Variants in SNTB2 observed in about 807,000 individuals in gnomAD.
SNTB2 encodes the protein beta-2-syntrophin.
SNTB2 carries 34 observed loss-of-function variants against 46.2 expected under a neutral mutation model. The observed-to-expected ratio is 0.74, with a 90% CI of 0.56 to 0.98. The LOEUF is 0.98. SNTB2 is among the 50% of genes least tolerant of loss of function. The pLI, the probability that SNTB2 is intolerant of heterozygous loss-of-function variation, is 0.00. For synonymous variants in SNTB2, 290 were observed against 312.6 expected (o/e 0.93, Z 0.76); for missense variants, 603 against 731.4 (o/e 0.82, Z 2.02).
chr16:69,273,277 G>A (rs78321631), intron 4 of SNTB2, among the ~76,000 whole-genome samples: 3,501 of 152,198 alleles, frequency 0.023, 135 homozygotes, highest in African/African-American at 0.08. Context: ...CAAAACATAC[G>A]TGACTGTTCA....
At chr16:69,224,472 A>C (rs1027958664) in intron 1 of SNTB2, among the ~76,000 whole-genome samples, 3 of 152,134 alleles carry the variant, frequency 2.0e-5, no homozygotes, top group Admixed American at 2.0e-4. Flanking sequence ...TGGCCTCCCA[A>C]AGTACTGGGA....
chr16:69,250,778 A>G (rs1964717634), intron 2 of SNTB2, among the ~76,000 whole-genome samples: 1 of 151,852 alleles, frequency 6.6e-6, no homozygotes, highest in African/African-American at 2.4e-5. Flanking sequence ...CAAGAGGCTG[A>G]GGCATGGGAA....
At chr16:69,223,089 T>A (rs1484997723) in intron 1 of SNTB2, among the ~76,000 whole-genome samples, 1 of 152,162 alleles carries the variant, frequency 6.6e-6, no homozygotes, top group Non-Finnish European at 1.5e-5. Flanking sequence ...TTCTTATTAC[T>A]TACAATTCTT....
chr16:69,208,932 A>G (rs1453702865), intron 1 of SNTB2, among the ~76,000 whole-genome samples: 2 of 151,760 alleles, frequency 1.3e-5, no homozygotes, highest in African/African-American at 4.9e-5. Flanking sequence ...TGTTTGTTGT[A>G]TGAACAAAGA....
At chr16:69,259,752 G>A (rs1445610094) in intron 2 of SNTB2, among the ~76,000 whole-genome samples, 2 of 151,602 alleles carry the variant, frequency 1.3e-5, no homozygotes, top group Non-Finnish European at 2.9e-5. Context: ...TGGGATTACA[G>A]GCACCCACCA....
chr16:69,307,393 C>T lies in SNTB2; in HGVS notation c.*6469C>T, dbSNP rs959714316. The T allele has an allele frequency of 1.3e-5, 2 of 151,806 alleles. No individual in the cohort carries two copies. Among genetic ancestry groups the T allele is most frequent in the Non-Finnish European group, 2.9e-5 (2 of 67,942 alleles). 9.4% of individuals were successfully genotyped at this position (151,806 alleles called of 1,614,324 possible). On this transcript the variant is annotated 3_prime_UTR_variant, in exon 7 of 7. Coordinates refer to ENST00000336278, the MANE Select transcript of SNTB2 (RefSeq NM_006750.4). ...ATCATGCATGATTTTTTTTTTAGTG[C>T]AAATTTAGACTTTAGTTTGGGAAAG...
At chr16:69,248,289 T>G (rs1964690359) in intron 2 of SNTB2, among the ~76,000 whole-genome samples, 4 of 152,234 alleles carry the variant, frequency 2.6e-5, no homozygotes, top group Admixed American at 2.6e-4. Context: ...ATCATCTAAG[T>G]GCAACACAGC....
chr16:69,217,371 G>A lies in SNTB2; in HGVS notation c.581-28231G>A, dbSNP rs183991899. Among the ~76,000 whole-genome samples the A allele has an allele frequency of 4.7e-4, 72 of 152,248 alleles. 2 individuals are homozygous for A. The highest frequency in any genetic ancestry group is 4.7e-3 in the Admixed American group (72 of 15,274). ...CACCTGTAATCCCAGGTACTTGGGAGGCTGAGGTGGAAGGATTGCTTGAAC... is the reference window on the plus strand; with the variant it reads ...CACCTGTAATCCCAGGTACTTGGGAAGCTGAGGTGGAAGGATTGCTTGAAC... On this transcript the variant is annotated intron_variant, in intron 1 of 6. Coordinates refer to ENST00000336278, the MANE Select transcript of SNTB2 (RefSeq NM_006750.4).
intron 1 of SNTB2, among the ~76,000 whole-genome samples, chr16:69,217,319 C>G (rs992983554): frequency 6.6e-6 from 1 of 151,896 alleles, no homozygotes; most frequent in Non-Finnish European, 1.5e-5. Context: ...ACAAAAAATA[C>G]AAAAATTAGC....
intron 1 of SNTB2, among the ~76,000 whole-genome samples, chr16:69,218,020 G>C (rs1257758584): frequency 1.3e-5 from 2 of 152,064 alleles, no homozygotes; most frequent in East Asian, 3.9e-4. Context: ...AATACACTTG[G>C]AGTTAATAGT....
intron 1 of SNTB2, chr16:69,191,305 T>C (rs1411133813): frequency 1.4e-5 from 2 of 144,892 alleles, no homozygotes; most frequent in Non-Finnish European, 3.0e-5. Context: ...TCCAGCACTT[T>C]GGGAGACCAA....
intron 5 of SNTB2, among the ~76,000 whole-genome samples, chr16:69,292,440 T>C (rs1274354666): frequency 1.3e-5 from 1 of 76,806 alleles, no homozygotes; most frequent in Non-Finnish European, 2.3e-5. Context: ...ATATATTATA[T>C]ATATATAATT....
intron 1 of SNTB2, among the ~76,000 whole-genome samples, chr16:69,232,903 A>G (rs951839916): frequency 1.3e-5 from 2 of 152,116 alleles, no homozygotes; most frequent in Non-Finnish European, 2.9e-5. Flanking sequence ...TTATTTCACT[A>G]TAGCTCAGAG....
At chr16:69,191,821 TTAG>T (rs1261419520) in intron 1 of SNTB2, among the ~76,000 whole-genome samples, 3 of 152,088 alleles carry the variant, frequency 2.0e-5, no homozygotes, top group African/African-American at 7.2e-5. Flanking sequence ...TTTGTATTTT[TTAG>T]TAGAGATGGG....
intron 1 of SNTB2, chr16:69,230,585 A>C (rs1337008084): frequency 6.7e-6 from 1 of 150,202 alleles, no homozygotes; most frequent in African/African-American, 2.5e-5. Context: ...CTGGTCTCCA[A>C]CTCCTGACCT....
intron 3 of SNTB2, among the ~76,000 whole-genome samples, chr16:69,261,247 A>G (rs1309079504): frequency 6.9e-6 from 1 of 145,656 alleles, no homozygotes; most frequent in Non-Finnish European, 1.5e-5. Context: ...TTCATTTTTG[A>G]TTTTTTTTTT....
Position 69,301,978 on chromosome 16 carries a change from G to C in SNTB2, c.*1054G>C, listed in dbSNP as rs1184776031. Reference sequence around the variant, plus strand: ...CCAGCCTGCTTGAGGAGTAGACTTGGTGGGTGAAGCCAGCAATTCCGCACA... The same window carrying C: ...CCAGCCTGCTTGAGGAGTAGACTTGCTGGGTGAAGCCAGCAATTCCGCACA... On this transcript the variant is annotated 3_prime_UTR_variant, in exon 7 of 7. Coordinates refer to ENST00000336278, the MANE Select transcript of SNTB2 (RefSeq NM_006750.4). 1 of 152,162 alleles carries C rather than the reference G, an allele frequency of 6.6e-6. No homozygotes were observed. Among genetic ancestry groups the C allele is most frequent in the African/African-American group, 2.4e-5 (1 of 41,436 alleles). 9.4% of individuals were successfully genotyped at this position (152,162 alleles called of 1,614,324 possible). A position where few individuals can be genotyped will look rare whatever the true frequency, so the allele number is the denominator to read the frequency against.
At chr16:69,201,427 A>G (rs1452139309) in intron 1 of SNTB2, among the ~76,000 whole-genome samples, 1 of 152,214 alleles carries the variant, frequency 6.6e-6, no homozygotes, top group Non-Finnish European at 1.5e-5. Flanking sequence ...CTGAATAGGA[A>G]AAAACATAGC....
intron 3 of SNTB2, among the ~76,000 whole-genome samples, chr16:69,261,937 G>A (rs947619003): frequency 1.3e-5 from 2 of 152,108 alleles, no homozygotes; most frequent in African/African-American, 4.8e-5. Context: ...GGCAGGGTGT[G>A]GTGGCTCATA....
Sources: allele counts gnomAD v4.1 joint callset (sites outside exome capture counted in the v4.1 genomes callset), GRCh38; gene constraint gnomAD v4.1.1; transcripts MANE v1.5; gene names NCBI Gene and HGNC (gene_info 2026-07-23, HGNC 2026-07-21).